The following FCHSD2 variants were observed in gnomAD, a reference collection of about 807,000 sequenced individuals.
FCHSD2 encodes the protein FCH and double SH3 domains 2.
In FCHSD2, 38 loss-of-function variants were observed where a neutral mutation model predicts 108.1. The observed-to-expected ratio is 0.35, with a 90% CI of 0.27 to 0.46. FCHSD2 has a LOEUF of 0.46. Among genes scored for constraint, FCHSD2 ranks in the 20% least tolerant of loss-of-function variants. The pLI is 1.00. For synonymous variants in FCHSD2, 279 were observed against 314.7 expected (o/e 0.89, Z 1.20); for missense variants, 751 against 897.8 (o/e 0.84, Z 2.09).
chr11:72,983,756 CAG>C, intron 8 of FCHSD2: 1 of 453,984 alleles, frequency 2.2e-6, no homozygotes, highest in South Asian at 1.6e-5. Flanking sequence ...TAAAATAGCT[CAG>C]AAGTAGTTTC....
chr11:72,847,690 C>CTTT (rs60989366), intron 14 of FCHSD2, among the ~76,000 whole-genome samples: 33 of 129,056 alleles, frequency 2.6e-4, no homozygotes, highest in Non-Finnish European at 3.3e-4. Context: ...TGACTCTAAC[C>CTTT]TTTTTTTTTT....
intron 11 of FCHSD2, 23 bp downstream of exon 11, chr11:72,889,806 C>T (rs1855277077): frequency 1.5e-6 from 2 of 1,365,890 alleles, no homozygotes; most frequent in Non-Finnish European, 2.1e-6. Context: ...GTGAATGTAA[C>T]TAGGACTTTC....
At chr11:73,095,513 A>C (rs1337503130) in intron 2 of FCHSD2, among the ~76,000 whole-genome samples, 2 of 152,230 alleles carry the variant, frequency 1.3e-5, no homozygotes, top group Non-Finnish European at 2.9e-5. Flanking sequence ...GAGAGTAAGA[A>C]ACATAACTGG....
chr11:72,991,554 A>T (rs565057427), intron 5 of FCHSD2, among the ~76,000 whole-genome samples: 2 of 152,294 alleles, frequency 1.3e-5, no homozygotes, highest in Admixed American at 6.5e-5. Flanking sequence ...AGGCTGGTTC[A>T]ACATACGCTG....
At chr11:72,916,710 T>C (rs1032911265) in intron 9 of FCHSD2, among the ~76,000 whole-genome samples, 16 of 152,354 alleles carry the variant, frequency 1.1e-4, no homozygotes, top group African/African-American at 3.8e-4. Context: ...ATATGTGATG[T>C]GCAAATATTT....
intron 2 of FCHSD2, among the ~76,000 whole-genome samples, chr11:73,136,784 C>T (rs533937035): frequency 4.5e-4 from 68 of 152,268 alleles, no homozygotes; most frequent in Middle Eastern, 3.4e-3. Context: ...AATCCTAGCA[C>T]TTTGGGAGGC....
At chr11:72,901,187 T>A (rs1855517897) in intron 10 of FCHSD2, among the ~76,000 whole-genome samples, 1 of 151,746 alleles carries the variant, frequency 6.6e-6, no homozygotes, top group African/African-American at 2.4e-5. Context: ...AACTCAGGAG[T>A]TCGAGACCAG....
At chr11:72,942,197 G>A (rs1201936841) in intron 8 of FCHSD2, among the ~76,000 whole-genome samples, 4 of 152,152 alleles carry the variant, frequency 2.6e-5, no homozygotes, top group African/African-American at 9.7e-5. Flanking sequence ...CACTAGAGCT[G>A]GCTGTTTAAA....
rs760772829 is a variant in FCHSD2, at chr11:72,838,859, G to A, written c.2155C>T (p.Pro719Ser). The change falls in exon 20 of 20, where the codon CCT (proline) becomes TCT (serine). Residue 719 changes from proline (P) to serine (S), a missense_variant. Physicochemically the swap from Pro to Ser is moderately conservative, Grantham distance 74 (BLOSUM62 -1). Transcript: ENST00000409418. ...CTTCGGTGATTCTGTGTAGGTGGAG[G>A]GGGAGCTGCCCGGACCTGAGCAGGA... ...GKLRPVRAAP[P>S]PPTQNHRRPA... 18 of 1,607,530 alleles carry A rather than the reference G, an allele frequency of 1.1e-5. No homozygotes were observed. Among genetic ancestry groups the A allele is most frequent in the Non-Finnish European group, 1.5e-5 (18 of 1,177,870 alleles).
At chr11:72,932,998 T>C (rs1856225706) in intron 8 of FCHSD2, among the ~76,000 whole-genome samples, 1 of 152,322 alleles carries the variant, frequency 6.6e-6, no homozygotes, top group Non-Finnish European at 1.5e-5. Context: ...TTCATAAAAC[T>C]CTAATTCAGT....
intron 13 of FCHSD2, among the ~76,000 whole-genome samples, chr11:72,856,904 T>C (rs1395718097): frequency 6.6e-6 from 1 of 152,152 alleles, no homozygotes; most frequent in African/African-American, 2.4e-5. Context: ...CTTCATATTC[T>C]AGGAAAGTTT....
intron 8 of FCHSD2, among the ~76,000 whole-genome samples, chr11:72,928,104 T>C (rs1477738795): frequency 2.0e-5 from 3 of 152,124 alleles, no homozygotes; most frequent in East Asian, 1.9e-4. Flanking sequence ...CATCAATGCA[T>C]TGGCCACATA....
intron 2 of FCHSD2, among the ~76,000 whole-genome samples, chr11:73,084,689 T>C (rs977537094): frequency 3.9e-5 from 6 of 152,240 alleles, no homozygotes; most frequent in African/African-American, 1.4e-4. Flanking sequence ...CCAACGTGCT[T>C]AGCCAGTACA....
intron 13 of FCHSD2, among the ~76,000 whole-genome samples, chr11:72,859,355 C>A (rs1382583668): frequency 6.6e-6 from 1 of 152,132 alleles, no homozygotes; most frequent in Non-Finnish European, 1.5e-5. Context: ...CATTTAGTGG[C>A]CATCTCGGTT....
intron 2 of FCHSD2, among the ~76,000 whole-genome samples, chr11:73,084,014 GATA>G (rs1859757570): frequency 6.6e-6 from 1 of 152,132 alleles, no homozygotes; most frequent in Admixed American, 6.5e-5. Flanking sequence ...CTAAAATGGG[GATA>G]ATAACAGTAC....
chr11:73,067,618 T>C (rs924422429), intron 3 of FCHSD2, among the ~76,000 whole-genome samples: 1 of 152,110 alleles, frequency 6.6e-6, no homozygotes, highest in Non-Finnish European at 1.5e-5. Flanking sequence ...TTATAAGACC[T>C]GGTTCTACAT....
intron 3 of FCHSD2, among the ~76,000 whole-genome samples, chr11:73,042,391 T>G (rs1178546455): frequency 6.6e-6 from 1 of 152,200 alleles, no homozygotes; most frequent in African/African-American, 2.4e-5. Flanking sequence ...TATTTCTAGG[T>G]TACTTAATCC....
chr11:73,104,665 T>C (rs1384010776), intron 2 of FCHSD2, among the ~76,000 whole-genome samples: 1 of 151,902 alleles, frequency 6.6e-6, no homozygotes, highest in Admixed American at 6.6e-5. Context: ...ACCTCCCGGG[T>C]TCAAGCCATT....
chr11:72,986,565 G>A (rs1295438070), intron 6 of FCHSD2, among the ~76,000 whole-genome samples: 1 of 152,082 alleles, frequency 6.6e-6, no homozygotes, highest in Non-Finnish European at 1.5e-5. Flanking sequence ...GAAAAGTAAA[G>A]GCCACAAACT....
Sources: gnomAD v4.1 joint callset for allele counts (sites outside exome capture counted in the v4.1 genomes callset) on GRCh38, gnomAD v4.1.1 for gene constraint, MANE v1.5 for transcripts, NCBI Gene and HGNC (gene_info 2026-07-23, HGNC 2026-07-21) for gene names.